ADAMTSL1: variants seen among roughly 807,000 people sequenced by gnomAD.
ADAMTSL1 encodes ADAMTS-like protein 1.
ADAMTSL1 carries 126 observed loss-of-function variants against 201.8 expected under a neutral mutation model. The observed-to-expected ratio is 0.62, with a 90% CI of 0.54 to 0.72. ADAMTSL1 has a LOEUF of 0.72. Ranked by LOEUF, ADAMTSL1 falls within the 30% of genes least tolerant of loss-of-function variation. The pLI is 0.00. For synonymous variants in ADAMTSL1, 1,121 were observed against 903.4 expected (o/e 1.24, Z -4.32); for missense variants, 2,679 against 2,277.8 (o/e 1.18, Z -3.59).
At chr9:18,087,180 C>T (rs908602078) in intron 1 of ADAMTSL1, among the ~76,000 whole-genome samples, 3 of 152,042 alleles carry the variant, frequency 2.0e-5, no homozygotes, top group African/African-American at 4.8e-5. Context: ...TCAGTCATAA[C>T]CTTTTCTTTT....
chr9:18,568,589 G>C (rs1822087457), intron 3 of ADAMTSL1, among the ~76,000 whole-genome samples: 1 of 152,158 alleles, frequency 6.6e-6, no homozygotes, highest in Non-Finnish European at 1.5e-5. Flanking sequence ...GGATAAAGTA[G>C]ATGCCTTGCT....
At chr9:18,714,066 A>C (rs1268058608) in intron 14 of ADAMTSL1, among the ~76,000 whole-genome samples, 4 of 152,152 alleles carry the variant, frequency 2.6e-5, no homozygotes, top group African/African-American at 9.7e-5. Flanking sequence ...ACAAAGACAC[A>C]ACATACCAGA....
At chr9:18,794,626 G>GTTT (rs61153622) in intron 19 of ADAMTSL1, among the ~76,000 whole-genome samples, 10 of 135,726 alleles carry the variant, frequency 7.4e-5, no homozygotes, top group African/African-American at 1.9e-4. Flanking sequence ...GTTTTTTGTT[G>GTTT]TTTTTTTTTG....
intron 20 of ADAMTSL1, among the ~76,000 whole-genome samples, chr9:18,796,281 G>A (rs1210764324): frequency 6.6e-6 from 1 of 152,222 alleles, no homozygotes; most frequent in African/African-American, 2.4e-5. Context: ...TCACACAGCT[G>A]CTCTGCTAGT....
chr9:17,935,121 C>T (rs1306952303), intron 1 of ADAMTSL1, among the ~76,000 whole-genome samples: 4 of 151,986 alleles, frequency 2.6e-5, no homozygotes, highest in Admixed American at 2.6e-4. Context: ...CATCAGCAGC[C>T]TTCATATTAT....
intron 25 of ADAMTSL1, 63 bp from the exon 26 acceptor site, chr9:18,892,326 G>A (rs1283203000): frequency 4.7e-6 from 7 of 1,497,448 alleles, no homozygotes; most frequent in African/African-American, 2.8e-5. Context: ...CGGTGGGGAG[G>A]AGGTCTCTTT....
intron 23 of ADAMTSL1, among the ~76,000 whole-genome samples, chr9:18,877,071 T>C (rs1344650931): frequency 6.6e-6 from 1 of 152,218 alleles, no homozygotes; most frequent in Admixed American, 6.5e-5. Flanking sequence ...TTTCTCTGTG[T>C]CCTTCATTTC....
At chr9:18,515,871 A>T (rs1433676765) in intron 2 of ADAMTSL1, among the ~76,000 whole-genome samples, 1 of 152,160 alleles carries the variant, frequency 6.6e-6, no homozygotes, top group Non-Finnish European at 1.5e-5. Flanking sequence ...TCATCCTTTT[A>T]TTAATTAAGC....
rs899152043 is a variant in ADAMTSL1 at position 18,467,328 on chromosome 9, C to T, written c.208-37501C>T. Among the ~76,000 whole-genome samples the T allele has an allele frequency of 1.1e-4, 16 of 152,164 alleles. No individual in the cohort carries two copies. The South Asian group carries it at 1.5e-3, about 14-fold the overall frequency. On this transcript the variant is annotated intron_variant, in intron 2 of 29. Coordinates refer to the ADAMTSL1 transcript ENST00000680146. ...AATGCCAAATTAAAAAATAGAAAAA[C>T]GTTTGCCACCACAGAGGAAAATAAC... is the stretch of plus-strand genomic sequence containing the variant.
At chr9:18,853,438 G>A (rs1388783770) in intron 23 of ADAMTSL1, among the ~76,000 whole-genome samples, 1 of 152,150 alleles carries the variant, frequency 6.6e-6, no homozygotes, top group African/African-American at 2.4e-5. Context: ...GTGGGAAATG[G>A]TCCTTGTGCA....
At chr9:18,712,530 G>A (rs774601519) in intron 14 of ADAMTSL1, among the ~76,000 whole-genome samples, 5 of 152,142 alleles carry the variant, frequency 3.3e-5, no homozygotes, top group East Asian at 1.9e-4. Context: ...GAAATGAAGC[G>A]AGAAGGGAAG....
intron 1 of ADAMTSL1, among the ~76,000 whole-genome samples, chr9:17,987,817 G>A (rs1239922259): frequency 6.6e-6 from 1 of 152,016 alleles, no homozygotes; most frequent in Non-Finnish European, 1.5e-5. Flanking sequence ...GTTAAATGCA[G>A]ACTCAGTCAG....
At chr9:18,121,494 G>A (rs565342) in intron 1 of ADAMTSL1, among the ~76,000 whole-genome samples, 102,782 of 152,050 alleles carry the variant, frequency 0.68, 35,284 homozygotes, top group East Asian at 0.89. Flanking sequence ...ACAAGCCATC[G>A]AAATGTATTT....
intron 1 of ADAMTSL1, among the ~76,000 whole-genome samples, chr9:17,966,812 A>T (rs1198320268): frequency 2.6e-5 from 4 of 152,048 alleles, no homozygotes; most frequent in African/African-American, 4.8e-5. Context: ...TTCCCTCCCC[A>T]ATCCTGTTGT....
intron 14 of ADAMTSL1, among the ~76,000 whole-genome samples, chr9:18,716,391 G>GA (rs985847801): frequency 9.2e-5 from 14 of 151,780 alleles, no homozygotes; most frequent in Admixed American, 2.0e-4. Context: ...AAATTTACAA[G>GA]AAAAAAACAA....
At chr9:18,192,825 C>T (rs187526005) in intron 2 of ADAMTSL1, among the ~76,000 whole-genome samples, 1 of 152,194 alleles carries the variant, frequency 6.6e-6, no homozygotes, top group African/African-American at 2.4e-5. Flanking sequence ...TTTCATATCC[C>T]TATTCCTAGT....
At chr9:18,178,441 G>T (rs184451866) in intron 2 of ADAMTSL1, among the ~76,000 whole-genome samples, 3,561 of 152,216 alleles carry the variant, frequency 0.023, 154 homozygotes, top group African/African-American at 0.082. Context: ...GCAGCAGCGA[G>T]GCTGGGGGAG....
chr9:18,365,607 G>C (rs1020282358), intron 2 of ADAMTSL1, among the ~76,000 whole-genome samples: 8 of 152,146 alleles, frequency 5.3e-5, no homozygotes, highest in African/African-American at 1.9e-4. Context: ...AAAAGGGAAA[G>C]AGGAACAAGA....
intron 23 of ADAMTSL1, among the ~76,000 whole-genome samples, chr9:18,845,034 C>T (rs1346829179): frequency 2.0e-5 from 3 of 152,334 alleles, no homozygotes; most frequent in Non-Finnish European, 2.9e-5. Context: ...ATGCACGGTG[C>T]ACTGCACCCA....
Sources: gnomAD v4.1 joint callset for allele counts (sites outside exome capture counted in the v4.1 genomes callset) on GRCh38, gnomAD v4.1.1 for gene constraint, MANE v1.5 for transcripts, NCBI Gene and HGNC (gene_info 2026-07-23, HGNC 2026-07-21) for gene names.